AZIN2: variants seen among roughly 807,000 people sequenced by gnomAD.
The protein encoded by AZIN2 is ODC antizyme inhibitor-2.
In AZIN2, 28 loss-of-function variants were observed where a neutral mutation model predicts 47.8. That is an observed-to-expected ratio of 0.59 (90% CI 0.43 to 0.80). The LOEUF is 0.80. Among genes scored for constraint, AZIN2 ranks in the 30% least tolerant of loss-of-function variants. The pLI is 0.00. For synonymous variants in AZIN2, 221 were observed against 239.4 expected (o/e 0.92, Z 0.71); for missense variants, 535 against 582.5 (o/e 0.92, Z 0.84).
the AZIN2 span, among the ~76,000 whole-genome samples, chr1:33,144,312 T>G: frequency 6.6e-6 from 1 of 152,178 alleles, no homozygotes; most frequent in Non-Finnish European, 1.5e-5. Context: ...TAATTTTGTA[T>G]TTTTTAGTAG....
At position 33,123,220 on chromosome 1, in the gene AZIN2, T is replaced by C. The variant is rs1644827005; in HGVS notation, c.*3038T>C. ...AGAAAATAGCATGTCCTAGTCTCTC[T>C]CTTTTCTCTTAACTAGTTTTCTTTT... On this transcript the variant is annotated 3_prime_UTR_variant, in exon 12 of 12. Coordinates refer to ENST00000294517, the MANE Select transcript of AZIN2 (RefSeq NM_052998.4). Among the ~76,000 whole-genome samples, 1 of 152,182 alleles carries C rather than the reference T, an allele frequency of 6.6e-6. No homozygotes were observed. Among genetic ancestry groups the C allele is most frequent in the Non-Finnish European group, 1.5e-5 (1 of 68,026 alleles).
chr1:33,096,431 C>T (rs767923236), intron 8 of AZIN2, among the ~76,000 whole-genome samples: 17 of 152,188 alleles, frequency 1.1e-4, no homozygotes, highest in Non-Finnish European at 2.4e-4. Flanking sequence ...CTTCTGGAAT[C>T]TGAGTACCAA....
the AZIN2 span, among the ~76,000 whole-genome samples, chr1:33,130,609 C>A: frequency 6.6e-6 from 1 of 152,200 alleles, no homozygotes; most frequent in Non-Finnish European, 1.5e-5. Flanking sequence ...CTGATTGCAG[C>A]CATGTGAGAG....
intron 10 of AZIN2, among the ~76,000 whole-genome samples, chr1:33,117,050 CA>C (rs1644576432): frequency 6.6e-6 from 1 of 152,154 alleles, no homozygotes; most frequent in Non-Finnish European, 1.5e-5. Flanking sequence ...GAGTCTGTTA[CA>C]AATTTCTGGA....
rs747840964 is a variant in AZIN2, at chr1:33,094,691, G to A, written c.731G>A (p.Gly244Glu). Residue 244 changes from glycine (G) to glutamate (E), a missense_variant, in exon 8 of 12, where the codon GGG (glycine) becomes GAG (glutamate). By Grantham distance (98) the Gly-to-Glu change is moderately conservative. Transcript: ENST00000294517. Reference sequence around the variant, plus strand: ...GGTGGTGGCTTCCCTGGCACAGAAGGGGCCAAAGTGAGATTTGAAGAGGTA... The same window carrying A: ...GGTGGTGGCTTCCCTGGCACAGAAGAGGCCAAAGTGAGATTTGAAGAGGTA... The part of the protein sequence containing the change: ...DLGGGFPGTE[G>E]AKVRFEEIAS... 1 of 1,614,168 alleles carries A rather than the reference G, an allele frequency of 6.2e-7. No individual in the cohort carries two copies. The highest frequency in any genetic ancestry group is 1.1e-5 in the South Asian group (1 of 91,086).
intron 4 of AZIN2, 55 bp from the exon 5 acceptor site, chr1:33,083,899 T>C (rs1641570983): frequency 3.7e-6 from 6 of 1,602,204 alleles, no homozygotes; most frequent in Non-Finnish European, 5.1e-6. Context: ...ACGGATGGCA[T>C]GCACAGGGTG....
At chr1:33,134,046 G>A in the AZIN2 span, among the ~76,000 whole-genome samples, 1 of 152,166 alleles carries the variant, frequency 6.6e-6, no homozygotes, top group Non-Finnish European at 1.5e-5. Context: ...GTTTATAAGG[G>A]GCAGAGGCAG....
At chr1:33,092,285 G>T in intron 6 of AZIN2, 63 bp downstream of exon 6, 1 of 1,542,882 alleles carries the variant, frequency 6.5e-7, no homozygotes, top group Non-Finnish European at 8.7e-7. Flanking sequence ...GGGGAGCCTG[G>T]GCTGTGGGGA....
the AZIN2 span, among the ~76,000 whole-genome samples, chr1:33,134,552 C>A: frequency 2.0e-5 from 3 of 152,156 alleles, no homozygotes; most frequent in Admixed American, 2.0e-4. Context: ...CTAGGACCAC[C>A]AGAGACACAA....
At chr1:33,104,543 C>CATATAT (rs33993023) in intron 10 of AZIN2, among the ~76,000 whole-genome samples, 8 of 149,654 alleles carry the variant, frequency 5.3e-5, no homozygotes, top group African/African-American at 9.8e-5. Context: ...ATCTTTATTA[C>CATATAT]ATATATATAT....
chr1:33,154,889 C>G, the AZIN2 span, among the ~76,000 whole-genome samples: 2 of 151,670 alleles, frequency 1.3e-5, no homozygotes, highest in African/African-American at 4.8e-5. Flanking sequence ...GTCAGGAGAT[C>G]GAGACCATCC....
chr1:33,150,186 G>A, the AZIN2 span, among the ~76,000 whole-genome samples: 9 of 152,256 alleles, frequency 5.9e-5, no homozygotes, highest in Admixed American at 4.6e-4. Flanking sequence ...ATGAGGAAAA[G>A]TGGGAAGAAG....
the AZIN2 span, chr1:33,145,261 A>G: frequency 6.6e-6 from 1 of 152,060 alleles, no homozygotes; most frequent in Non-Finnish European, 1.5e-5. Context: ...CTGAACCTCA[A>G]TTTTCCTCCT....
intron 5 of AZIN2, among the ~76,000 whole-genome samples, chr1:33,089,151 C>T (rs1642253438): frequency 6.6e-6 from 1 of 152,210 alleles, no homozygotes; most frequent in Non-Finnish European, 1.5e-5. Flanking sequence ...CACTTAGAAG[C>T]TGTGTGATTT....
the AZIN2 span, among the ~76,000 whole-genome samples, chr1:33,151,042 A>G: frequency 1.3e-5 from 2 of 152,048 alleles, no homozygotes. Context: ...AAGCAGGTAT[A>G]AGGGCTCAGC....
chr1:33,127,386 C>T (rs1644864417), downstream of AZIN2, among the ~76,000 whole-genome samples: 1 of 152,236 alleles, frequency 6.6e-6, no homozygotes, highest in African/African-American at 2.4e-5. Flanking sequence ...GGAGGAGGGA[C>T]CGACTTTACC....
At position 33,123,035 on chromosome 1, in the gene AZIN2, A is replaced by C. The variant is rs2124684148; in HGVS notation, c.*2853A>C. On this transcript the variant is annotated 3_prime_UTR_variant, in exon 12 of 12. Transcript: ENST00000294517. ...CCCTCTCACGCACTGGGTCCTGGCCACACTGGCCTCCCCTCTGTTCTTCAA... is the reference window on the plus strand; with the variant it reads ...CCCTCTCACGCACTGGGTCCTGGCCCCACTGGCCTCCCCTCTGTTCTTCAA... Among the ~76,000 whole-genome samples, 1 of 152,286 alleles carries C rather than the reference A, an allele frequency of 6.6e-6. No homozygotes were observed. Among genetic ancestry groups the C allele is most frequent in the South Asian group, 2.1e-4 (1 of 4,828 alleles).
At chr1:33,102,137 C>T (rs537745228) in intron 10 of AZIN2, among the ~76,000 whole-genome samples, 11 of 150,470 alleles carry the variant, frequency 7.3e-5, no homozygotes, top group Admixed American at 4.0e-4. Context: ...GTAAGAGACT[C>T]GGTGGCTCTG....
At chr1:33,089,539 G>A (rs1484039538) in intron 5 of AZIN2, among the ~76,000 whole-genome samples, 6 of 152,220 alleles carry the variant, frequency 3.9e-5, no homozygotes, top group Non-Finnish European at 7.3e-5. Flanking sequence ...CTCACGTGGT[G>A]AGGCAGGGAA....
Sources: allele counts gnomAD v4.1 joint callset (sites outside exome capture counted in the v4.1 genomes callset), GRCh38; gene constraint gnomAD v4.1.1; transcripts MANE v1.5; gene names NCBI Gene and HGNC (gene_info 2026-07-23, HGNC 2026-07-21).